Variants in ZDHHC21 observed in about 807,000 individuals in gnomAD.
The protein encoded by ZDHHC21 is palmitoyltransferase ZDHHC21.
A neutral mutation model predicts 34.6 loss-of-function variants in ZDHHC21; 15 were observed. The ratio of observed to expected loss-of-function variants is 0.43; its 90% CI spans 0.29 to 0.67. ZDHHC21 has a LOEUF of 0.67. ZDHHC21 is among the 30% of genes least tolerant of loss of function. ZDHHC21 has a pLI of 0.14. For missense variants in ZDHHC21, 344 were observed against 327.7 expected, an observed-to-expected ratio of 1.05 and a Z score of -0.38; for synonymous variants, 142 against 101.8, an observed-to-expected ratio of 1.40 and a Z score of -2.38.
At chr9:14,680,861 A>G (rs1048709477) in intron 2 of ZDHHC21, among the ~76,000 whole-genome samples, 1 of 152,178 alleles carries the variant, frequency 6.6e-6, no homozygotes. Context: ...CTCATATGGT[A>G]AGGATACTGG....
the ZDHHC21 span, among the ~76,000 whole-genome samples, chr9:14,604,748 A>G: frequency 6.6e-6 from 1 of 152,220 alleles, no homozygotes; most frequent in Non-Finnish European, 1.5e-5. Context: ...ATTTTTAAAT[A>G]TACAGTACGG....
chr9:14,648,970 T>C (rs1017635310), intron 7 of ZDHHC21, among the ~76,000 whole-genome samples: 1 of 151,992 alleles, frequency 6.6e-6, no homozygotes, highest in African/African-American at 2.4e-5. Flanking sequence ...TTCCTCCTAC[T>C]GAACAGTTTC....
chr9:14,622,918 T>C lies in ZDHHC21; in HGVS notation c.622-3236A>G, dbSNP rs528511467. 2.0e-5 allele frequency among the ~76,000 whole-genome samples: 3 copies of C among 152,068 alleles called. 1 individual carries two copies. The South Asian group carries it at 6.2e-4, about 31-fold the overall frequency. On this transcript the variant is annotated intron_variant, in intron 8 of 9. Coordinates refer to ENST00000380916, the MANE Select transcript of ZDHHC21 (RefSeq NM_178566.6). ...CAATTATCCCCTGCATTCTTTATTA[T>C]TATAGGTCTTGTTGATGCTTCCAAG...
At chr9:14,678,497 T>A (rs890302189) in intron 3 of ZDHHC21, among the ~76,000 whole-genome samples, 1 of 152,056 alleles carries the variant, frequency 6.6e-6, no homozygotes. Flanking sequence ...ATCTACTGTA[T>A]TGAAAAACTT....
Position 14,674,352 on chromosome 9 carries a change from A to T in ZDHHC21, c.-12T>A. 6.3e-7 allele frequency: 1 copy of T among 1,585,800 alleles called. No homozygotes were observed. Among genetic ancestry groups the T allele is most frequent in the Non-Finnish European group, 8.6e-7 (1 of 1,169,172 alleles). On this transcript the variant is annotated 5_prime_UTR_variant, in exon 4 of 10. The change abolishes the stop of an existing upstream ORF in the 5' untranslated region. Coordinates refer to ENST00000380916, the MANE Select transcript of ZDHHC21 (RefSeq NM_178566.6). ...ATCCGGAGACCCATTTTGCAATCTT[A>T]TAACTGCCTGCTAACCCACAAGGAA...
intron 8 of ZDHHC21, among the ~76,000 whole-genome samples, chr9:14,622,946 T>A (rs959069136): frequency 6.6e-6 from 1 of 152,110 alleles, no homozygotes; most frequent in Non-Finnish European, 1.5e-5. Context: ...CTTCCAAGTC[T>A]GCTACACGTA....
At chr9:14,602,832 A>C in the ZDHHC21 span, among the ~76,000 whole-genome samples, 1 of 151,296 alleles carries the variant, frequency 6.6e-6, no homozygotes, top group South Asian at 2.1e-4. Flanking sequence ...CTGAGGCAGA[A>C]GGCCTGCTTG....
intron 7 of ZDHHC21, among the ~76,000 whole-genome samples, chr9:14,641,412 C>G (rs1011535193): frequency 6.6e-6 from 1 of 152,078 alleles, no homozygotes; most frequent in Non-Finnish European, 1.5e-5. Context: ...TAAGTAAATT[C>G]TGCATTAACA....
At chr9:14,646,570 A>G (rs2133788635) in intron 7 of ZDHHC21, among the ~76,000 whole-genome samples, 1 of 151,924 alleles carries the variant, frequency 6.6e-6, no homozygotes, top group South Asian at 2.1e-4. Context: ...CTCATCTACC[A>G]CTTTCTTCCT....
chr9:14,683,525 C>G (rs1837747415), intron 2 of ZDHHC21: 1 of 152,054 alleles, frequency 6.6e-6, no homozygotes, highest in Admixed American at 6.5e-5. Context: ...CTGAATAGAC[C>G]AATAACAGGC....
intron 3 of ZDHHC21, among the ~76,000 whole-genome samples, chr9:14,675,950 C>A (rs1836296088): frequency 6.6e-6 from 1 of 151,876 alleles, no homozygotes; most frequent in Non-Finnish European, 1.5e-5. Context: ...TACAACCTGC[C>A]ATCACAAATC....
intron 8 of ZDHHC21, among the ~76,000 whole-genome samples, chr9:14,626,684 T>A (rs1826281972): frequency 6.6e-6 from 1 of 151,910 alleles, no homozygotes; most frequent in African/African-American, 2.4e-5. Context: ...ATATGAAATA[T>A]AACTTGGTAT....
At chr9:14,633,569 T>C (rs925233015) in intron 8 of ZDHHC21, among the ~76,000 whole-genome samples, 3 of 152,082 alleles carry the variant, frequency 2.0e-5, no homozygotes, top group African/African-American at 7.2e-5. Flanking sequence ...CCAGACTGTA[T>C]CCTGCCAGTG....
Position 14,677,964 on chromosome 9 carries a change from C to T in ZDHHC21, c.-46+2069G>A, listed in dbSNP as rs1401412394. On this transcript the variant is annotated intron_variant, in intron 3 of 9. Transcript: ENST00000380916. ...CAAAATAATTACCAAGAAATCTATC[C>T]GAACACGTATGTCTATGCTTACAGT... 4.6e-5 allele frequency among the ~76,000 whole-genome samples: 7 copies of T among 152,106 alleles called. No homozygotes were observed. In the South Asian group the frequency reaches 1.2e-3, roughly 27 times the overall value.
chr9:14,690,862 TAA>T (rs1396134720), intron 1 of ZDHHC21, among the ~76,000 whole-genome samples: 2 of 152,230 alleles, frequency 1.3e-5, no homozygotes, highest in African/African-American at 4.8e-5. Context: ...TTACCTTTAA[TAA>T]GAGTTATTTA....
the ZDHHC21 span, chr9:14,593,985 G>A: frequency 4.6e-5 from 7 of 152,192 alleles, 1 homozygote; most frequent in African/African-American, 1.7e-4. Context: ...CCTAGTTTCT[G>A]AACTTTCCCT....
intron 5 of ZDHHC21, among the ~76,000 whole-genome samples, chr9:14,670,998 T>C (rs1468008763): frequency 1.3e-5 from 2 of 150,974 alleles, no homozygotes; most frequent in Non-Finnish European, 3.0e-5. Flanking sequence ...AGCCAAGTAA[T>C]AATGTTTTTA....
At chr9:14,678,447 C>T (rs1448533873) in intron 3 of ZDHHC21, among the ~76,000 whole-genome samples, 4 of 152,036 alleles carry the variant, frequency 2.6e-5, no homozygotes, top group Admixed American at 6.6e-5. Context: ...AATCCAATGG[C>T]TAATCATTAC....
In ZDHHC21 at chr9:14,615,993, A is replaced by G. The variant is rs779233040; in HGVS notation, c.*2973T>C. The stretch of plus-strand genomic sequence containing the variant: ...CAGAATACATAAGAAATTGTTACTA[A>G]AACTATAGATATAACTCTGCGAAAT... On this transcript the variant is annotated 3_prime_UTR_variant, in exon 10 of 10. Transcript: ENST00000380916. 2.0e-5 allele frequency: 3 copies of G among 151,648 alleles called. No individual in the cohort carries two copies. Among genetic ancestry groups the G allele is most frequent in the Non-Finnish European group, 3.0e-5 (2 of 67,710 alleles). 9.4% of individuals were successfully genotyped at this position (151,648 alleles called of 1,614,324 possible).
Sources: allele counts gnomAD v4.1 joint callset (sites outside exome capture counted in the v4.1 genomes callset), GRCh38; gene constraint gnomAD v4.1.1; transcripts MANE v1.5; gene names NCBI Gene and HGNC (gene_info 2026-07-23, HGNC 2026-07-21).